The following AP4E1 variants were observed in gnomAD, a reference collection of about 807,000 sequenced individuals.
The protein encoded by AP4E1 is AP-4 complex subunit epsilon-1.
Under a neutral mutation model 128.2 loss-of-function variants are expected in AP4E1, and 56 were observed. The observed-to-expected ratio is 0.44, with a 90% CI of 0.35 to 0.55. AP4E1 has a LOEUF of 0.55. Ranked by LOEUF, AP4E1 falls within the 20% of genes least tolerant of loss-of-function variation. AP4E1 has a pLI of 0.00. For synonymous variants in AP4E1, 484 were observed against 473.1 expected (o/e 1.02, Z -0.30); for missense variants, 1,324 against 1,307.7 (o/e 1.01, Z -0.19).
intron 3 of AP4E1, 52 bp downstream of exon 3, chr15:50,915,623 A>G: frequency 1.3e-6 from 2 of 1,577,990 alleles, no homozygotes; most frequent in Non-Finnish European, 1.7e-6. Context: ...TTGAAGTTGC[A>G]TCTATTATAC....
At chr15:50,948,702 G>A (rs996478503) in intron 11 of AP4E1, among the ~76,000 whole-genome samples, 1 of 152,216 alleles carries the variant, frequency 6.6e-6, no homozygotes, top group Non-Finnish European at 1.5e-5. Context: ...GCCGGGCACA[G>A]TGGCTCATGC....
At chr15:50,941,876 T>C in intron 10 of AP4E1, 101 bp downstream of exon 10, 1 of 825,468 alleles carries the variant, frequency 1.2e-6, no homozygotes, top group South Asian at 1.5e-5. Context: ...TGTGTATGTT[T>C]GCTCGTGTGT....
intron 7 of AP4E1, among the ~76,000 whole-genome samples, chr15:50,933,425 TTG>T (rs1414609628): frequency 2.0e-5 from 3 of 152,194 alleles, no homozygotes; most frequent in Admixed American, 6.5e-5. Context: ...TTCTTGTGTT[TTG>T]TAGTTTTGTG....
chr15:50,974,748 A>G (rs1461174224), intron 15 of AP4E1, among the ~76,000 whole-genome samples: 1 of 151,910 alleles, frequency 6.6e-6, no homozygotes, highest in East Asian at 1.9e-4. Context: ...TTATGGTTTC[A>G]GTTTGTATTT....
At chr15:50,923,621 TAA>T (rs2063733954) in intron 3 of AP4E1, among the ~76,000 whole-genome samples, 1 of 152,180 alleles carries the variant, frequency 6.6e-6, no homozygotes, top group Non-Finnish European at 1.5e-5. Context: ...CTTTGATTGA[TAA>T]TGTAAAGATT....
chr15:50,936,337 T>G (rs570848220), intron 8 of AP4E1, among the ~76,000 whole-genome samples: 23 of 152,292 alleles, frequency 1.5e-4, no homozygotes, highest in African/African-American at 4.8e-4. Context: ...GAAATTCTGC[T>G]TAAAATTCAG....
chr15:50,949,410 C>A, intron 11 of AP4E1, among the ~76,000 whole-genome samples: 1 of 137,560 alleles, frequency 7.3e-6, no homozygotes, highest in African/African-American at 2.9e-5. Context: ...AAGATTCTGC[C>A]TCAAAAAAAA....
chr15:50,979,732 C>T (rs2064613053), intron 15 of AP4E1, among the ~76,000 whole-genome samples: 1 of 152,072 alleles, frequency 6.6e-6, no homozygotes, highest in African/African-American at 2.4e-5. Flanking sequence ...ACCACAGTGG[C>T]CAGGCTGGTC....
At chr15:50,980,821 A>G (rs1237131347) in intron 15 of AP4E1, among the ~76,000 whole-genome samples, 1 of 151,834 alleles carries the variant, frequency 6.6e-6, no homozygotes, top group Non-Finnish European at 1.5e-5. Flanking sequence ...TTGACCTGCT[A>G]CTCCAGAAGA....
At chr15:50,915,350 C>T in intron 2 of AP4E1, 98 bp from the exon 3 acceptor site, 1 of 1,255,054 alleles carries the variant, frequency 8.0e-7, no homozygotes, top group Admixed American at 1.9e-5. Flanking sequence ...TCTTCAGCAC[C>T]AGGATTAAAG....
At chr15:50,925,057 G>A (rs1384759113) in intron 4 of AP4E1, 41 bp from the exon 5 acceptor site, 4 of 1,612,020 alleles carry the variant, frequency 2.5e-6, no homozygotes, top group Non-Finnish European at 3.4e-6. Flanking sequence ...CCTAGTTTCA[G>A]TATTTACACT....
intron 15 of AP4E1, among the ~76,000 whole-genome samples, chr15:50,968,908 G>GC (rs1197957151): frequency 1.3e-5 from 2 of 151,916 alleles, no homozygotes; most frequent in African/African-American, 4.8e-5. Flanking sequence ...GTGAGCCACT[G>GC]CGACTGGCCA....
chr15:50,929,268 C>A, intron 6 of AP4E1, 100 bp downstream of exon 6: 2 of 1,301,990 alleles, frequency 1.5e-6, no homozygotes, highest in Non-Finnish European at 1.1e-6. Context: ...GCTTAGTTAA[C>A]ATTTTATAAT....
intron 14 of AP4E1, among the ~76,000 whole-genome samples, chr15:50,965,867 TACTC>T (rs904239061): frequency 2.0e-5 from 3 of 152,202 alleles, no homozygotes; most frequent in Non-Finnish European, 4.4e-5. Context: ...TCTCACTTAA[TACTC>T]ACTCTCTTTA....
At chr15:50,958,465 A>G (rs773374905) in intron 13 of AP4E1, 27 bp from the exon 14 acceptor site, 10 of 1,573,680 alleles carry the variant, frequency 6.4e-6, no homozygotes, top group South Asian at 2.3e-5. Flanking sequence ...ATATTTCTAT[A>G]TGAATATCTC....
At chr15:50,927,164 G>T (rs2063779114) in intron 5 of AP4E1, among the ~76,000 whole-genome samples, 1 of 152,054 alleles carries the variant, frequency 6.6e-6, no homozygotes, top group Non-Finnish European at 1.5e-5. Flanking sequence ...CTGACCATTT[G>T]TATGAAATCC....
intron 10 of AP4E1, chr15:50,945,330 G>T (rs1404732702): frequency 1.3e-6 from 1 of 780,348 alleles, no homozygotes; most frequent in East Asian, 2.4e-5. Context: ...ATATAGTACT[G>T]TACAACATGA....
intron 13 of AP4E1, among the ~76,000 whole-genome samples, chr15:50,953,155 C>CT (rs1328777905): frequency 2.0e-5 from 3 of 152,170 alleles, no homozygotes; most frequent in African/African-American, 7.2e-5. Flanking sequence ...TTCTATGAGG[C>CT]TGTGCAAATA....
intron 10 of AP4E1, chr15:50,945,495 T>C: frequency 1.3e-6 from 1 of 758,378 alleles, no homozygotes; most frequent in East Asian, 2.4e-5. Context: ...TAATGTTCCA[T>C]ATGGATCATG....
Sources: gnomAD v4.1 joint callset for allele counts (sites outside exome capture counted in the v4.1 genomes callset) on GRCh38, gnomAD v4.1.1 for gene constraint, MANE v1.5 for transcripts, NCBI Gene and HGNC (gene_info 2026-07-23, HGNC 2026-07-21) for gene names.